Variants in DNM2 observed in about 807,000 individuals in gnomAD.
DNM2 encodes dynamin 2.
A neutral mutation model predicts 99.0 loss-of-function variants in DNM2; 15 were observed. The ratio of observed to expected loss-of-function variants is 0.15; its 90% CI spans 0.10 to 0.23. DNM2 has a LOEUF of 0.23. DNM2 is among the 10% of genes least tolerant of loss of function. The pLI is 1.00. For synonymous variants in DNM2, 525 were observed against 481.2 expected (o/e 1.09, Z -1.19); for missense variants, 742 against 1,189.4 (o/e 0.62, Z 5.53).
At position 10,814,487 on chromosome 19, in the gene DNM2, ATTG is replaced by A. The variant is rs2072667701; in HGVS notation, c.1671+2116_1671+2118del. On this transcript the variant is annotated intron_variant, in intron 15 of 20. Coordinates refer to ENST00000389253, the MANE Select transcript of DNM2 (RefSeq NM_001005361.3). ...CTCAAAGAAAAAAAAACACCAGACA[ATTG>A]TTGTTAACTATAGTCTTAACTGCAG... 2.6e-5 allele frequency among the ~76,000 whole-genome samples: 4 copies of A among 152,256 alleles called. No homozygotes were observed. In the South Asian group the frequency reaches 6.2e-4, roughly 24 times the overall value.
chr19:10,725,052 G>T (rs2069068114), intron 1 of DNM2, among the ~76,000 whole-genome samples: 2 of 152,218 alleles, frequency 1.3e-5, no homozygotes, highest in Non-Finnish European at 2.9e-5. Context: ...CCTTGGGCTG[G>T]TTTGTCCCTT....
chr19:10,811,540 C>A lies in DNM2; in HGVS notation c.1558-724C>A. On this transcript the variant is annotated intron_variant, in intron 14 of 20. Coordinates refer to ENST00000389253, the MANE Select transcript of DNM2 (RefSeq NM_001005361.3). The surrounding 1 kb of genome is among the most constrained non-coding windows in gnomAD (Gnocchi z 5.4). ...TGGGTCCCAGGCCGCCCTGTGCGTG[C>A]CTCCGTGTGCTTCCTGCAGCTCCCA... 2.7e-6 allele frequency: 1 copy of A among 373,412 alleles called. No individual in the cohort carries two copies. 23.1% of individuals were successfully genotyped at this position (373,412 alleles called of 1,614,324 possible).
At chr19:10,730,193 C>T (rs185306675) in intron 1 of DNM2, among the ~76,000 whole-genome samples, 34 of 152,268 alleles carry the variant, frequency 2.2e-4, no homozygotes, top group Admixed American at 2.1e-3. Context: ...ATGAAAGTAG[C>T]TAAAGGCTGG....
intron 9 of DNM2, 137 bp from the exon 10 acceptor site, chr19:10,797,243 C>A: frequency 2.3e-6 from 3 of 1,295,008 alleles, no homozygotes; most frequent in Non-Finnish European, 2.1e-6. Context: ...GGGGCAAATG[C>A]GGGCGCAGGC....
chr19:10,823,764 C>G (rs1252825620), intron 16 of DNM2, 24 bp from the exon 17 acceptor site: 7 of 1,594,006 alleles, frequency 4.4e-6, no homozygotes, highest in Non-Finnish European at 6.0e-6. Flanking sequence ...AAGCTTGTGC[C>G]CCTCCTTCCC....
chr19:10,743,993 A>G lies in DNM2; in HGVS notation c.162-15745A>G, dbSNP rs1405328765. 3.3e-5 allele frequency among the ~76,000 whole-genome samples: 5 copies of G among 151,308 alleles called. No homozygotes were observed. The East Asian group carries it at 9.7e-4, about 29-fold the overall frequency. ...AGAGCGAGACTGTTTCCAGAAAAAA[A>G]AAAAAAATACAAAAATTAGCCAGAC... On this transcript the variant is annotated intron_variant, in intron 1 of 20. Coordinates refer to ENST00000389253, the MANE Select transcript of DNM2 (RefSeq NM_001005361.3).
At chr19:10,739,846 ACTCTCT>A in intron 1 of DNM2, among the ~76,000 whole-genome samples, 1 of 120,384 alleles carries the variant, frequency 8.3e-6, no homozygotes, top group African/African-American at 3.4e-5. Context: ...ACAGAGCAAG[ACTCTCT>A]CTCTCTCTCA....
chr19:10,773,416 G>A (rs960065826), intron 3 of DNM2, among the ~76,000 whole-genome samples: 3 of 150,884 alleles, frequency 2.0e-5, no homozygotes, highest in African/African-American at 7.3e-5. Flanking sequence ...CAAAATGCTG[G>A]GATTACAGAC....
intron 1 of DNM2, among the ~76,000 whole-genome samples, chr19:10,737,803 T>A (rs1199053119): frequency 6.6e-6 from 1 of 152,154 alleles, no homozygotes; most frequent in Non-Finnish European, 1.5e-5. Context: ...TGATTTCTCT[T>A]TCTGTCTCCC....
At chr19:10,814,316 T>C (rs2072659552) in intron 15 of DNM2, among the ~76,000 whole-genome samples, 3 of 152,084 alleles carry the variant, frequency 2.0e-5, no homozygotes, top group South Asian at 2.1e-4. Flanking sequence ...AATACAAAAT[T>C]AATCTGGCGT....
chr19:10,756,331 A>G (rs1245942626), intron 1 of DNM2, among the ~76,000 whole-genome samples: 2 of 146,454 alleles, frequency 1.4e-5, no homozygotes, highest in Non-Finnish European at 3.0e-5. Context: ...TCTTCCTCGC[A>G]CCCACCCCCG....
At chr19:10,776,336 G>C (rs2071153748) in intron 4 of DNM2, among the ~76,000 whole-genome samples, 1 of 152,206 alleles carries the variant, frequency 6.6e-6, no homozygotes, top group South Asian at 2.1e-4. Flanking sequence ...TCTTTGCATG[G>C]TGAGATCGTC....
intron 18 of DNM2, among the ~76,000 whole-genome samples, chr19:10,828,195 A>G (rs1400590104): frequency 3.3e-5 from 5 of 152,172 alleles, no homozygotes; most frequent in Admixed American, 3.3e-4. Flanking sequence ...AGGTTGAGGC[A>G]CAAGAATTGC....
intron 1 of DNM2, among the ~76,000 whole-genome samples, chr19:10,730,971 G>T (rs2069292212): frequency 6.6e-6 from 1 of 152,204 alleles, no homozygotes; most frequent in Non-Finnish European, 1.5e-5. Context: ...CCCAGGCCCT[G>T]GTGACACCTC....
chr19:10,830,437 G>GTCTCACT lies in DNM2; in HGVS notation c.2543+62_2543+68dup. 1 of 1,573,104 alleles carries GTCTCACT rather than the reference G, an allele frequency of 6.4e-7. No homozygotes were observed. ...CCTGCACCCTGGGGTCTCTCCTCCT[G>GTCTCACT]TCTCACTTCCTCCCAGTGAGCTCTC... On this transcript the variant is annotated intron_variant, in intron 20 of 20. Coordinates refer to ENST00000389253, the MANE Select transcript of DNM2 (RefSeq NM_001005361.3). This position sits in a 1 kb window ranked among gnomAD's most constrained non-coding sequence, Gnocchi z 4.8.
chr19:10,800,178 C>T (rs953217251), intron 11 of DNM2, among the ~76,000 whole-genome samples: 6 of 152,188 alleles, frequency 3.9e-5, no homozygotes, highest in Admixed American at 6.6e-5. Context: ...CACTTTCTCT[C>T]AGTTGTCCTC....
At chr19:10,732,580 A>G (rs1017021411) in intron 1 of DNM2, among the ~76,000 whole-genome samples, 12 of 151,794 alleles carry the variant, frequency 7.9e-5, no homozygotes, top group Non-Finnish European at 2.9e-5. Context: ...CGCCTGGGTG[A>G]TAGAGCGAGA....
chr19:10,825,366 C>G, intron 18 of DNM2, 145 bp downstream of exon 18: 1 of 1,171,422 alleles, frequency 8.5e-7, no homozygotes, highest in South Asian at 1.3e-5. Context: ...GAAACCCCAT[C>G]TCTACTAAAA....
chr19:10,799,768 A>C (rs1037378809), intron 11 of DNM2, among the ~76,000 whole-genome samples: 1 of 151,992 alleles, frequency 6.6e-6, no homozygotes, highest in Non-Finnish European at 1.5e-5. Context: ...TCCTGACCTC[A>C]GGTGATCTGC....
Sources: allele counts gnomAD v4.1 joint callset (sites outside exome capture counted in the v4.1 genomes callset), GRCh38; gene constraint gnomAD v4.1.1; non-coding constraint Gnocchi (gnomAD v3.1); transcripts MANE v1.5; gene names NCBI Gene and HGNC (gene_info 2026-07-23, HGNC 2026-07-21).